F10: variants seen among roughly 807,000 people sequenced by gnomAD.
F10 encodes Stuart-Prower factor.
Under a neutral mutation model 37.1 loss-of-function variants are expected in F10, and 29 were observed. That is an observed-to-expected ratio of 0.78 (90% CI 0.58 to 1.07). The LOEUF (loss-of-function observed/expected upper bound fraction) is 1.07. F10 is among the 50% of genes least tolerant of loss of function. The pLI, the probability that F10 is intolerant of heterozygous loss-of-function variation, is 0.00. For synonymous variants in F10, 262 were observed against 268.6 expected (o/e 0.98, Z 0.24); for missense variants, 539 against 667.9 (o/e 0.81, Z 2.13).
At chr13:113,136,183 A>G (rs2036476372) in intron 2 of F10, among the ~76,000 whole-genome samples, 2 of 152,230 alleles carry the variant, frequency 1.3e-5, no homozygotes. Context: ...AAAAACCACA[A>G]TAAGAACGAC....
At chr13:113,147,688 C>T (rs544704727) in intron 7 of F10, among the ~76,000 whole-genome samples, 192 bp downstream of exon 7, 25 of 151,824 alleles carry the variant, frequency 1.6e-4, no homozygotes, top group Non-Finnish European at 2.8e-4. Flanking sequence ...GGGAGGAGGA[C>T]GGGGAGGGGA....
Position 113,143,907 on chromosome 13 carries a change from G to T in F10, c.559G>T (p.Ala187Ser). The T allele has an allele frequency of 1.2e-6, 2 of 1,613,338 alleles. No homozygotes were observed. The highest frequency in any genetic ancestry group is 1.7e-6 in the Non-Finnish European group (2 of 1,180,006). ...LERRKRSVAQ[A>S]TSSSGEAPDS... ...ACGCAGGAAGAGGTCAGTGGCCCAG[G>T]CCACCAGCAGCAGCGGGGAGGCCCC... Residue 187 changes from alanine to serine, a missense_variant, in exon 6 of 8, where the codon GCC (alanine) becomes TCC (serine). This residue lies in a region of F10 where 409 missense variants were observed against 547.9 expected (regional missense o/e 0.75). Transcript: ENST00000375559. The surrounding 1 kb of genome is among the most constrained non-coding windows in gnomAD (Gnocchi z 6.8).
intron 2 of F10, 65 bp downstream of exon 2, chr13:113,129,677 G>T (rs1397881098): frequency 6.9e-6 from 11 of 1,600,380 alleles, no homozygotes; most frequent in Non-Finnish European, 8.5e-6. Context: ...CGCTGGCCCC[G>T]CTGCTCCGTC....
chr13:113,123,062 G>T (rs2036334970), intron 1 of F10, 137 bp downstream of exon 1: 2 of 1,065,960 alleles, frequency 1.9e-6, no homozygotes, highest in Non-Finnish European at 2.8e-6. Flanking sequence ...TCGGATGGCT[G>T]GGCTTGGCCT....
At position 113,144,075 on chromosome 13, in the gene F10, G is replaced by A. The variant is rs746855746; in HGVS notation, c.727G>A (p.Asp243Asn). Residue 243 changes from aspartate to asparagine, a missense_variant, in exon 6 of 8, where the codon GAC becomes AAC. Transcript: ENST00000375559. This position sits in a 1 kb window ranked among gnomAD's most constrained non-coding sequence, Gnocchi z 6.4. ...GATCGTGGGAGGCCAGGAATGCAAG[G>A]ACGGGGAGTGTCCCTGGCAGGTAAC... Reference protein sequence around the residue: ...TRIVGGQECKDGECPWQALLI... With the variant: ...TRIVGGQECKNGECPWQALLI... 4 of 1,613,964 alleles carry A rather than the reference G, an allele frequency of 2.5e-6. No individual in the cohort carries two copies. The highest frequency in any genetic ancestry group is 3.4e-6 in the Non-Finnish European group (4 of 1,180,024).
At position 113,144,693 on chromosome 13, in the gene F10, G is replaced by A. The variant is rs1159513289; in HGVS notation, c.747+598G>A. Among the ~76,000 whole-genome samples, 1 of 152,206 alleles carries A rather than the reference G, an allele frequency of 6.6e-6. No homozygotes were observed. The highest frequency in any genetic ancestry group is 6.5e-5 in the Admixed American group (1 of 15,292). ...AAAAACACATCTACTTATTTTCAAAGGTAAAAAAGAAAATCACTCTTTGAG... is the reference window on the plus strand; with the variant it reads ...AAAAACACATCTACTTATTTTCAAAAGTAAAAAAGAAAATCACTCTTTGAG... On this transcript the variant is annotated intron_variant, in intron 6 of 7. Coordinates refer to ENST00000375559, the MANE Select transcript of F10 (RefSeq NM_000504.4). This position sits in a 1 kb window ranked among gnomAD's most constrained non-coding sequence, Gnocchi z 6.4.
chr13:113,126,422 G>A lies in F10; in HGVS notation c.71-3030G>A, dbSNP rs867846938. Among the ~76,000 whole-genome samples, 7 of 152,252 alleles carry A rather than the reference G, an allele frequency of 4.6e-5. No individual in the cohort carries two copies. In the Middle Eastern group the frequency reaches 0.017, roughly 370 times the overall value. On this transcript the variant is annotated intron_variant, in intron 1 of 7. Transcript: ENST00000375559. ...CTGGTCAATCAGCCTGGGGATGCTC[G>A]GGGGTGGATGCCAAGGGGAACAGAG... is the stretch of plus-strand genomic sequence containing the variant.
chr13:113,124,271 G>C (rs1314179547), intron 1 of F10, among the ~76,000 whole-genome samples: 3 of 152,202 alleles, frequency 2.0e-5, no homozygotes, highest in African/African-American at 7.2e-5. Flanking sequence ...CAGGCCAGGA[G>C]CCCACCCAGA....
intron 1 of F10, 21 bp downstream of exon 1, chr13:113,122,946 A>G: frequency 6.2e-7 from 1 of 1,607,344 alleles, no homozygotes. Context: ...CTCGCCCTTC[A>G]GACCCAAAAG....
rs1404559619 is a variant in F10, at chr13:113,141,753, A to G, written c.502+703A>G. On this transcript the variant is annotated intron_variant, in intron 5 of 7. Transcript: ENST00000375559. This position sits in a 1 kb window ranked among gnomAD's most constrained non-coding sequence, Gnocchi z 5.4. Reference sequence around the variant, plus strand: ...CTCGAAGGCGGGGCCTAGGCGTCACAGCTGCACCTTGCACAGCAACCCCAC... The same window carrying G: ...CTCGAAGGCGGGGCCTAGGCGTCACGGCTGCACCTTGCACAGCAACCCCAC... Among the ~76,000 whole-genome samples the G allele has an allele frequency of 6.6e-6, 1 of 152,092 alleles. No homozygotes were observed. Among genetic ancestry groups the G allele is most frequent in the East Asian group, 1.9e-4 (1 of 5,164 alleles).
chr13:113,140,782 C>T (rs553266017), intron 4 of F10, 137 bp from the exon 5 acceptor site: 256 of 1,310,970 alleles, frequency 2.0e-4, no homozygotes, highest in Middle Eastern at 1.1e-3. Flanking sequence ...GTGTACCTGT[C>T]GCCTGGCTCT....
chr13:113,147,377 A>G lies in F10; in HGVS notation c.748-2A>G, dbSNP rs752979905. On this transcript the variant is annotated splice_acceptor_variant, in intron 6 of 7. Transcript: ENST00000375559. LOFTEE classifies it high-confidence loss of function. ...ACACTGAGCCTGTCACGTCTGTCAC[A>G]GGCCCTGCTCATCAATGAGGAAAAC... The G allele has an allele frequency of 6.2e-7, 1 of 1,603,222 alleles. No homozygotes were observed. Among genetic ancestry groups the G allele is most frequent in the Non-Finnish European group, 8.5e-7 (1 of 1,169,974 alleles).
chr13:113,139,332 C>G lies in F10; in HGVS notation c.257-25C>G. 6.3e-7 allele frequency: 1 copy of G among 1,596,034 alleles called. No individual in the cohort carries two copies. The highest frequency in any genetic ancestry group is 1.1e-5 in the South Asian group (1 of 90,630). ...GATGCCGGAAACAGCTTGCAGACTC[C>G]AGTTTCGAAATCCTCTCTTTGCAGA... On this transcript the variant is annotated intron_variant, in intron 3 of 7. Transcript: ENST00000375559. The surrounding 1 kb of genome is among the most constrained non-coding windows in gnomAD (Gnocchi z 5.2).
rs995001630 is a variant in F10, at chr13:113,141,732, AAGGCGGGGCCT to A, written c.502+688_502+698del. On this transcript the variant is annotated intron_variant, in intron 5 of 7. Coordinates refer to ENST00000375559, the MANE Select transcript of F10 (RefSeq NM_000504.4). This position sits in a 1 kb window ranked among gnomAD's most constrained non-coding sequence, Gnocchi z 5.4. ...ACGGCCAGCACACATGAGGCCCTCG[AAGGCGGGGCCT>A]AGGCGTCACAGCTGCACCTTGCACA... 3.3e-5 allele frequency among the ~76,000 whole-genome samples: 5 copies of A among 152,102 alleles called. No individual in the cohort carries two copies. Among genetic ancestry groups the A allele is most frequent in the African/African-American group, 1.2e-4 (5 of 41,400 alleles).
At chr13:113,133,263 CAAAATT>C (rs1248542869) in intron 2 of F10, among the ~76,000 whole-genome samples, 5 of 151,384 alleles carry the variant, frequency 3.3e-5, no homozygotes, top group African/African-American at 1.2e-4. Flanking sequence ...AAATAATAGA[CAAAATT>C]AATAAGCTGA....
intron 4 of F10, 120 bp from the exon 5 acceptor site, chr13:113,140,799 T>C (rs1222531093): frequency 6.7e-7 from 1 of 1,497,048 alleles, no homozygotes; most frequent in Non-Finnish European, 9.3e-7. Context: ...CTCTGGCCCT[T>C]TGCTCAACCC....
Position 113,143,703 on chromosome 13 carries a change from GGGGCCTCGCC to G in F10, c.503-147_503-138del. On this transcript the variant is annotated intron_variant, in intron 5 of 7. Transcript: ENST00000375559. The surrounding 1 kb of genome is among the most constrained non-coding windows in gnomAD (Gnocchi z 6.8). ...CAGATCCGACCCCTGCCGACGACGT[GGGGCCTCGCC>G]CTGCAAGCCCGCTGCCCCTCCGGGT... 8 of 1,188,320 alleles carry G rather than the reference GGGGCCTCGCC, an allele frequency of 6.7e-6. No homozygotes were observed. The highest frequency in any genetic ancestry group is 3.2e-5 in the South Asian group (2 of 62,632). 73.6% of individuals were successfully genotyped at this position (1,188,320 alleles called of 1,614,324 possible). A position where few individuals can be genotyped will look rare whatever the true frequency, so the allele number is the denominator to read the frequency against.
rs1555396300 is a variant in F10, at chr13:113,148,345, A to AATATATATATATATATATATATAT, written c.866-553_866-552insATATATATATATATATATATATAT. Reference sequence around the variant, plus strand: ...AACTCTGTCTCAAAAAAAAAAAAAAAATATATATATATATATATGTATATA... The same window carrying AATATATATATATATATATATATAT: ...AACTCTGTCTCAAAAAAAAAAAAAAAATATATATATATATATATATATATATATATATATATATATATGTATATA... On this transcript the variant is annotated intron_variant, in intron 7 of 7. Transcript: ENST00000375559. Among the ~76,000 whole-genome samples the AATATATATATATATATATATATAT allele has an allele frequency of 6.3e-5, 6 of 95,410 alleles. No homozygotes were observed. The East Asian group carries it at 2.6e-3, about 41-fold the overall frequency. 62.6% of individuals were successfully genotyped at this position (95,410 alleles called of 152,430 possible).
intron 5 of F10, among the ~76,000 whole-genome samples, chr13:113,142,286 A>T (rs954339220): frequency 1.3e-5 from 2 of 152,322 alleles, no homozygotes; most frequent in East Asian, 3.9e-4. Flanking sequence ...TCATGCCTGT[A>T]ATCCCAGCAT....
Sources: allele counts gnomAD v4.1 joint callset (sites outside exome capture counted in the v4.1 genomes callset), GRCh38; gene constraint gnomAD v4.1.1; regional missense constraint gnomAD v4.1.1; non-coding constraint Gnocchi (gnomAD v3.1); transcripts MANE v1.5; gene names NCBI Gene and HGNC (gene_info 2026-07-23, HGNC 2026-07-21).